The following SHKBP1 variants were observed in gnomAD, a reference collection of about 807,000 sequenced individuals.
The protein encoded by SHKBP1 is SH3KBP1 binding protein 1, also known as SH3KBP1-binding protein 1.
SHKBP1 carries 71 observed loss-of-function variants against 83.9 expected under a neutral mutation model. That is an observed-to-expected ratio of 0.85 (90% CI 0.70 to 1.03). SHKBP1 has a LOEUF of 1.03. Ranked by LOEUF, SHKBP1 falls within the 50% of genes least tolerant of loss-of-function variation. SHKBP1 has a pLI of 0.00. For synonymous variants in SHKBP1, 371 were observed against 398.0 expected, an observed-to-expected ratio of 0.93 and a Z score of 0.81; for missense variants, 824 against 982.4, an observed-to-expected ratio of 0.84 and a Z score of 2.16.
At chr19:40,588,319 A>T (rs2145994599) in intron 13 of SHKBP1, among the ~76,000 whole-genome samples, 2 of 152,260 alleles carry the variant, frequency 1.3e-5, no homozygotes, top group Admixed American at 1.3e-4. Flanking sequence ...CACTACTGGG[A>T]TAGGACAGGA....
chr19:40,578,602 A>G, intron 6 of SHKBP1, 60 bp downstream of exon 6: 2 of 1,491,520 alleles, frequency 1.3e-6, no homozygotes, highest in Non-Finnish European at 1.9e-6. Context: ...CATTTCCCAT[A>G]AGGCTGCAGC....
rs757799784 is a variant in SHKBP1 at position 40,583,426 on chromosome 19, A to G, written c.989A>G (p.Tyr330Cys). 4 of 1,599,380 alleles carry G rather than the reference A, an allele frequency of 2.5e-6. No individual in the cohort carries two copies. The South Asian group carries it at 4.5e-5, about 18-fold the overall frequency. ...QVQEVQPITS[Y>C]DAAGSFLLLG... is the part of the protein sequence containing the mutation. ...CAGGAGGTGCAGCCCATCACCAGTT[A>G]TGACGCGGCAGGCTCCTTCCTCCTC... Residue 330 changes from tyrosine (Y) to cysteine (C), a missense_variant, in exon 11 of 18, where the codon TAT (tyrosine) becomes TGT (cysteine). Coordinates refer to ENST00000291842, the MANE Select transcript of SHKBP1 (RefSeq NM_138392.4).
chr19:40,589,060 C>T, intron 14 of SHKBP1, 22 bp from the exon 15 acceptor site: 2 of 1,606,274 alleles, frequency 1.2e-6, no homozygotes, highest in Non-Finnish European at 1.7e-6. Flanking sequence ...CTGGCCCTGA[C>T]CCCTGCCCCT....
rs983741109 is a variant in SHKBP1 at position 40,590,090 on chromosome 19, T to C, written c.1590-154T>C. On this transcript the variant is annotated intron_variant, in intron 15 of 17. Transcript: ENST00000291842. The surrounding 1 kb of genome is among the most constrained non-coding windows in gnomAD (Gnocchi z 4.6). ...TGGGGCTGCGGTGTCCAAGAGCTGC[T>C]GGACCCTTGGGACTGGAACTCAAAA... 4.9e-6 allele frequency: 4 copies of C among 818,388 alleles called. No homozygotes were observed. The highest frequency in any genetic ancestry group is 7.4e-6 in the Non-Finnish European group (4 of 541,100). The allele number at this position is 818,388 out of a possible 1,614,324, so 50.7% of individuals were successfully genotyped here. A position where few individuals can be genotyped will look rare whatever the true frequency, so the allele number is the denominator to read the frequency against.
chr19:40,590,436 C>A lies in SHKBP1; in HGVS notation c.1768+14C>A, dbSNP rs1225846143. On this transcript the variant is annotated intron_variant, in intron 16 of 17. Transcript: ENST00000291842. The surrounding 1 kb of genome is among the most constrained non-coding windows in gnomAD (Gnocchi z 4.6). ...GCCAGGCCCCTGGTACTCCCTGCCC[C>A]ACCCCAATCCCGTCCCAAGCCCCAC... 6.3e-7 allele frequency: 1 copy of A among 1,591,162 alleles called. No individual in the cohort carries two copies. The highest frequency in any genetic ancestry group is 1.7e-5 in the Admixed American group (1 of 58,392).
At position 40,577,266 on chromosome 19, in the gene SHKBP1, C is replaced by G; in HGVS notation, c.122C>G (p.Pro41Arg). Reference protein sequence around the residue: ...STSRQTLTWIPDSFFSSLLSG... With the variant: ...STSRQTLTWIRDSFFSSLLSG... ...TCTCGCCAGACTCTCACCTGGATCC[C>G]AGACTCCTTCTTCTCCAGGTGATCG... The change falls in exon 2 of 18, where the codon CCA (proline) becomes CGA (arginine). Residue 41 changes from proline to arginine, a missense_variant. Physicochemically the swap from Pro to Arg is moderately radical, Grantham distance 103. Coordinates refer to ENST00000291842, the MANE Select transcript of SHKBP1 (RefSeq NM_138392.4). 6.2e-7 allele frequency: 1 copy of G among 1,614,084 alleles called. No homozygotes were observed. Among genetic ancestry groups the G allele is most frequent in the Non-Finnish European group, 8.5e-7 (1 of 1,180,010 alleles).
Position 40,576,888 on chromosome 19 carries a change from C to G in SHKBP1, c.-12C>G. Reference sequence around the variant, plus strand: ...GGAAGTGGGTGCGGGCCAGCCGGCTCGCCCGGGGGCCATGGCAGCAGCGGC... The same window carrying G: ...GGAAGTGGGTGCGGGCCAGCCGGCTGGCCCGGGGGCCATGGCAGCAGCGGC... On this transcript the variant is annotated 5_prime_UTR_variant, in exon 1 of 18. Transcript: ENST00000291842. 1 of 1,443,204 alleles carries G rather than the reference C, an allele frequency of 6.9e-7. No homozygotes were observed. The highest frequency in any genetic ancestry group is 9.1e-7 in the Non-Finnish European group (1 of 1,095,824). 89.4% of individuals were successfully genotyped at this position (1,443,204 alleles called of 1,614,324 possible). A position where few individuals can be genotyped will look rare whatever the true frequency, so the allele number is the denominator to read the frequency against.
chr19:40,579,890 A>G (rs532557559), intron 6 of SHKBP1, among the ~76,000 whole-genome samples: 36 of 152,084 alleles, frequency 2.4e-4, no homozygotes, highest in African/African-American at 7.5e-4. Flanking sequence ...AAGATTAGCC[A>G]TGTGTCGTGG....
chr19:40,584,130 C>T (rs532352676), intron 12 of SHKBP1, among the ~76,000 whole-genome samples: 11 of 152,228 alleles, frequency 7.2e-5, no homozygotes, highest in Admixed American at 1.3e-4. Flanking sequence ...CGTGAGCCAC[C>T]GCGCCCAGCC....
chr19:40,579,533 A>G (rs1471166366), intron 6 of SHKBP1, among the ~76,000 whole-genome samples: 1 of 152,030 alleles, frequency 6.6e-6, no homozygotes, highest in African/African-American at 2.4e-5. Flanking sequence ...GTGTGGTGGT[A>G]TGCACCTGTG....
chr19:40,581,676 C>T (rs532894907), intron 9 of SHKBP1, among the ~76,000 whole-genome samples: 2 of 152,232 alleles, frequency 1.3e-5, no homozygotes, highest in Admixed American at 6.5e-5. Flanking sequence ...GCCATGATTG[C>T]ACCACTGCAC....
chr19:40,588,860 GC>G (rs2081333179), intron 14 of SHKBP1, 81 bp downstream of exon 14: 1 of 1,543,090 alleles, frequency 6.5e-7, no homozygotes, highest in Admixed American at 1.9e-5. Context: ...CCCACTTGCG[GC>G]CACCTGACCC....
At chr19:40,587,071 A>T (rs915867838) in intron 13 of SHKBP1, 127 bp downstream of exon 13, 2 of 860,978 alleles carry the variant, frequency 2.3e-6, no homozygotes, top group Admixed American at 2.6e-5. Context: ...GAGAGGATTG[A>T]CCTGGGATGG....
intron 9 of SHKBP1, 68 bp downstream of exon 9, chr19:40,581,004 C>T (rs1239140021): frequency 2.1e-6 from 3 of 1,413,444 alleles, no homozygotes; most frequent in Non-Finnish European, 2.8e-6. Context: ...AATGACCCAC[C>T]CCATAAAATC....
At chr19:40,583,257 G>A (rs767633594) in intron 10 of SHKBP1, 141 bp from the exon 11 acceptor site, 3 of 635,152 alleles carry the variant, frequency 4.7e-6, no homozygotes, top group Non-Finnish European at 8.2e-6. Context: ...AGGGACAAAG[G>A]CAGGCCTGGG....
At position 40,590,719 on chromosome 19, in the gene SHKBP1, G is replaced by A. The variant is rs376672008; in HGVS notation, c.1769-11G>A. ...TGTCTTGCCCCCTGACCCTGCTTCC[G>A]TGCCCCCCAGCAGGTGGCCTGACGG... On this transcript the variant is annotated splice_polypyrimidine_tract_variant and intron_variant, in intron 16 of 17. Coordinates refer to ENST00000291842, the MANE Select transcript of SHKBP1 (RefSeq NM_138392.4). The surrounding 1 kb of genome is among the most constrained non-coding windows in gnomAD (Gnocchi z 4.6). The A allele has an allele frequency of 9.2e-5, 144 of 1,573,326 alleles. No individual in the cohort carries two copies. Among genetic ancestry groups the A allele is most frequent in the Admixed American group, 1.9e-4 (11 of 57,368 alleles).
chr19:40,578,005 C>T lies in SHKBP1; in HGVS notation c.261-149C>T. The T allele has an allele frequency of 4.2e-6, 3 of 705,972 alleles. No individual in the cohort carries two copies. The East Asian group carries it at 7.5e-5, about 18-fold the overall frequency. 43.7% of individuals were successfully genotyped at this position (705,972 alleles called of 1,614,324 possible). On this transcript the variant is annotated intron_variant, in intron 4 of 17. Transcript: ENST00000291842. Reference sequence around the variant, plus strand: ...CACACACACACACTCAACATTTCCTCCACCCATATCATCACTCCTTAGCAT... The same window carrying T: ...CACACACACACACTCAACATTTCCTTCACCCATATCATCACTCCTTAGCAT...
chr19:40,579,243 A>T (rs2081247488), intron 6 of SHKBP1, among the ~76,000 whole-genome samples: 1 of 152,112 alleles, frequency 6.6e-6, no homozygotes, highest in Non-Finnish European at 1.5e-5. Flanking sequence ...TCTGCCACTG[A>T]GTAGCTGAGA....
rs759547464 is a variant in SHKBP1, at chr19:40,586,604, C to T, written c.1166-170C>T. 4.5e-4 allele frequency: 249 copies of T among 548,614 alleles called. 1 individual carries two copies. Among genetic ancestry groups the T allele is most frequent in the Non-Finnish European group, 6.8e-4 (241 of 352,146 alleles). 34.0% of individuals were successfully genotyped at this position (548,614 alleles called of 1,614,324 possible). A position where few individuals can be genotyped will look rare whatever the true frequency, so the allele number is the denominator to read the frequency against. ...CTGGTCTTGAACGCCTGACCTCAAG[C>T]GATCCACCCGCCTCAGCTTCCCAAA... On this transcript the variant is annotated intron_variant, in intron 12 of 17. Transcript: ENST00000291842.
Sources: gnomAD v4.1 joint callset for allele counts (sites outside exome capture counted in the v4.1 genomes callset) on GRCh38, gnomAD v4.1.1 for gene constraint, Gnocchi (gnomAD v3.1) non-coding constraint, MANE v1.5 for transcripts, NCBI Gene and HGNC (gene_info 2026-07-23, HGNC 2026-07-21) for gene names.